Variants in KRT73 observed in about 807,000 individuals in gnomAD.
KRT73 encodes keratin 73, also known as keratin, type II cytoskeletal 73.
In KRT73, 44 loss-of-function variants were observed where a neutral mutation model predicts 47.2. That is an observed-to-expected ratio of 0.93 (90% CI 0.73 to 1.20). The LOEUF (loss-of-function observed/expected upper bound fraction) is 1.20. KRT73 is among the 50% of genes most tolerant of loss of function. KRT73 has a pLI of 0.00. For missense variants in KRT73, 713 were observed against 704.5 expected (o/e 1.01, Z -0.14); for synonymous variants, 285 against 291.3 (o/e 0.98, Z 0.22).
rs750590655 is a variant in KRT73, at chr12:52,608,176, A to T, written c.*20T>A. On this transcript the variant is annotated 3_prime_UTR_variant, in exon 9 of 9. Transcript: ENST00000305748. ...TGCCAGGGCAAGGCAGACTACTGGG[A>T]AATGGGCTGTGTTGCACTTTTATCT... is the stretch of plus-strand genomic sequence containing the variant. 3 of 1,596,792 alleles carry T rather than the reference A, an allele frequency of 1.9e-6. No homozygotes were observed. The highest frequency in any genetic ancestry group is 2.6e-6 in the Non-Finnish European group (3 of 1,170,278).
At chr12:52,611,676 C>A (rs1592242679) in intron 5 of KRT73, among the ~76,000 whole-genome samples, 1 of 152,196 alleles carries the variant, frequency 6.6e-6, no homozygotes, top group East Asian at 1.9e-4. Context: ...TCCAGGGGCT[C>A]ATTTCTTTCT....
upstream of KRT73, among the ~76,000 whole-genome samples, chr12:52,620,113 T>TC (rs1555167853): frequency 9.0e-4 from 129 of 142,848 alleles, 1 homozygote; most frequent in African/African-American, 3.2e-3. Flanking sequence ...TTTTTTCTTT[T>TC]TTTTTTTTTT....
chr12:52,619,536 A>G (rs1351869912), upstream of KRT73, among the ~76,000 whole-genome samples: 1 of 152,206 alleles, frequency 6.6e-6, no homozygotes, highest in Non-Finnish European at 1.5e-5. Flanking sequence ...CTCCACATTC[A>G]GAGCTATGCC....
At chr12:52,624,998 C>T in the KRT73 span, among the ~76,000 whole-genome samples, 1 of 152,004 alleles carries the variant, frequency 6.6e-6, no homozygotes, top group Non-Finnish European at 1.5e-5. Flanking sequence ...AAAATTAACT[C>T]AAAATAGATC....
intron 1 of KRT73, among the ~76,000 whole-genome samples, chr12:52,617,302 C>T (rs606688): frequency 0.063 from 9,516 of 152,230 alleles, 730 homozygotes; most frequent in Admixed American, 0.16. Flanking sequence ...CACTTTGTTC[C>T]TCAGTGATTC....
intron 5 of KRT73, 115 bp downstream of exon 5, chr12:52,613,573 G>A (rs142443811): frequency 6.5e-7 from 1 of 1,534,658 alleles, no homozygotes; most frequent in Non-Finnish European, 8.8e-7. Flanking sequence ...GTGCCCAGGA[G>A]AGTGCTGTGC....
the KRT73 span, among the ~76,000 whole-genome samples, chr12:52,626,276 TACTTGC>T: frequency 6.6e-6 from 1 of 152,340 alleles, no homozygotes. Context: ...AAGGTTAAGT[TACTTGC>T]ACAAGGTCAC....
intron 1 of KRT73, among the ~76,000 whole-genome samples, chr12:52,617,206 T>G (rs2120879910): frequency 6.6e-6 from 1 of 152,276 alleles, no homozygotes; most frequent in Admixed American, 6.5e-5. Context: ...TACTCATGCC[T>G]CACCACCCTA....
chr12:52,611,437 G>A, intron 5 of KRT73, 108 bp from the exon 6 acceptor site: 1 of 1,346,468 alleles, frequency 7.4e-7, no homozygotes, highest in Non-Finnish European at 1.0e-6. Flanking sequence ...GGTGGGTCCA[G>A]GTCCCCCGCC....
At chr12:52,614,839 C>G in intron 3 of KRT73, 165 bp from the exon 4 acceptor site, 1 of 584,638 alleles carries the variant, frequency 1.7e-6, no homozygotes, top group Non-Finnish European at 3.0e-6. Flanking sequence ...AGACTCACTG[C>G]GAAACCTGGG....
chr12:52,626,953 C>A, the KRT73 span, among the ~76,000 whole-genome samples: 46,860 of 152,080 alleles, frequency 0.31, 7,663 homozygotes, highest in African/African-American at 0.4. Flanking sequence ...TCTTGCCCCA[C>A]CCACCTGTCC....
chr12:52,624,985 A>C, the KRT73 span, among the ~76,000 whole-genome samples: 1 of 152,182 alleles, frequency 6.6e-6, no homozygotes, highest in East Asian at 1.9e-4. Flanking sequence ...CATATTTTGC[A>C]CAAAAATTAA....
intron 5 of KRT73, 115 bp from the exon 6 acceptor site, chr12:52,611,444 C>T (rs1482195830): frequency 4.5e-5 from 57 of 1,253,348 alleles, no homozygotes; most frequent in Non-Finnish European, 5.9e-5. Flanking sequence ...CCAGGTCCCC[C>T]GCCTCACCAT....
At chr12:52,613,926 A>G in intron 4 of KRT73, 74 bp from the exon 5 acceptor site, 1 of 1,573,450 alleles carries the variant, frequency 6.4e-7, no homozygotes, top group African/African-American at 1.3e-5. Context: ...GCCCTGTCCC[A>G]GAGGGATGGC....
the KRT73 span, among the ~76,000 whole-genome samples, chr12:52,629,888 C>A: frequency 3.3e-5 from 5 of 152,310 alleles, 1 homozygote; most frequent in South Asian, 1.0e-3. Context: ...CCCACAGTCG[C>A]CTCATGGCCA....
At chr12:52,615,046 G>A in intron 3 of KRT73, 2 of 537,662 alleles carry the variant, frequency 3.7e-6, no homozygotes, top group Middle Eastern at 4.8e-4. Flanking sequence ...CAGCCAGAGG[G>A]GACATGAGTT....
intron 3 of KRT73, chr12:52,614,998 G>A (rs997882206): frequency 8.8e-5 from 47 of 531,398 alleles, no homozygotes; most frequent in Non-Finnish European, 1.4e-4. Context: ...GAGTTGGAAG[G>A]CAAACCTGCA....
upstream of KRT73, among the ~76,000 whole-genome samples, chr12:52,620,109 C>CCTTTTTTTTT (rs1940877538): frequency 1.1e-5 from 1 of 94,446 alleles, no homozygotes; most frequent in Non-Finnish European, 2.0e-5. Context: ...TCCTTTTTTT[C>CCTTTTTTTTT]TTTTTTTTTT....
At chr12:52,622,958 A>G (rs1315360752), upstream of KRT73, among the ~76,000 whole-genome samples, 1 of 152,356 alleles carries the variant, frequency 6.6e-6, no homozygotes, top group Non-Finnish European at 1.5e-5. Flanking sequence ...AGACTGAAGA[A>G]GAATAAAATG....
Sources: gnomAD v4.1 joint callset for allele counts (sites outside exome capture counted in the v4.1 genomes callset) on GRCh38, gnomAD v4.1.1 for gene constraint, MANE v1.5 for transcripts, NCBI Gene and HGNC (gene_info 2026-07-23, HGNC 2026-07-21) for gene names.